Variants in HRNR observed in about 807,000 individuals in gnomAD.
HRNR encodes filaggrin family member 3.
A neutral mutation model predicts 4.8 loss-of-function variants in HRNR; 7 were observed. That is an observed-to-expected ratio of 1.47 (90% CI 0.83 to 2.75). The LOEUF is 2.75. Ranked by LOEUF, HRNR falls within the 30% of genes most tolerant of loss-of-function variation. The pLI is 0.00. For missense variants in HRNR, 2,879 were observed against 3,010.4 expected, an observed-to-expected ratio of 0.96 and a Z score of 1.02; for synonymous variants, 1,023 against 1,242.7, an observed-to-expected ratio of 0.82 and a Z score of 3.72.
rs1401391401 is a variant in HRNR at position 152,212,267 on chromosome 1, G to A, written c.*809C>T. ...ATTGAACTACAGTAGTAGGTGGAAA[G>A]CATTGTATTTCCATGGAATAACTCC... On this transcript the variant is annotated 3_prime_UTR_variant, in exon 3 of 3. Coordinates refer to ENST00000368801, the MANE Select transcript of HRNR (RefSeq NM_001009931.3). 1 of 152,134 alleles carries A rather than the reference G, an allele frequency of 6.6e-6. No individual in the cohort carries two copies. Among genetic ancestry groups the A allele is most frequent in the African/African-American group, 2.4e-5 (1 of 41,420 alleles). The allele number at this position is 152,134 out of a possible 1,614,324, so 9.4% of individuals were successfully genotyped here. A position where few individuals can be genotyped will look rare whatever the true frequency, so the allele number is the denominator to read the frequency against.
chr1:152,223,428 G>A lies in HRNR; in HGVS notation c.-25-150C>T, dbSNP rs1234638186. 5 of 565,524 alleles carry A rather than the reference G, an allele frequency of 8.8e-6. No homozygotes were observed. In the Admixed American group the frequency reaches 1.0e-4, roughly 12 times the overall value. The allele number at this position is 565,524 out of a possible 1,614,324, so 35.0% of individuals were successfully genotyped here. On this transcript the variant is annotated intron_variant, in intron 1 of 2. Transcript: ENST00000368801. ...TGTAATCAAGAACCAATTCAGAGTTGAATGACTTGTTCAAGCCATGTAGCA... is the reference window on the plus strand; with the variant it reads ...TGTAATCAAGAACCAATTCAGAGTTAAATGACTTGTTCAAGCCATGTAGCA...
rs775036253 is a variant in HRNR, at chr1:152,220,181, G to C, written c.1448C>G (p.Ser483Cys). Residue 483 changes from serine to cysteine, a missense_variant, in exon 3 of 3, where the codon TCT becomes TGT. Ser to Cys is a moderately radical substitution (Grantham distance 112). Coordinates refer to ENST00000368801, the MANE Select transcript of HRNR (RefSeq NM_001009931.3). ...GTGGCCGGAGGAGTGACCTGAGCCA[G>C]ATCCATGCTGAGTGTAACCAGAGGA... ...EHSSGYTQHG[S>C]GSGHSSGHGQ... The C allele has an allele frequency of 2.5e-6, 4 of 1,613,176 alleles. No homozygotes were observed. The African/African-American group carries it at 4.0e-5, about 16-fold the overall frequency.
chr1:152,223,835 A>G (rs1455565375), intron 1 of HRNR, among the ~76,000 whole-genome samples: 1 of 152,184 alleles, frequency 6.6e-6, no homozygotes, highest in African/African-American at 2.4e-5. Flanking sequence ...GCAGGAAGTG[A>G]CCCTCAGACC....
rs1044922621 is a variant in HRNR, at chr1:152,219,308, T to C, written c.2321A>G (p.His774Arg). The C allele has an allele frequency of 6.2e-7, 1 of 1,611,352 alleles. No individual in the cohort carries two copies. The highest frequency in any genetic ancestry group is 1.4e-5 in the African/African-American group (1 of 73,774). ...CCCATGTCGGACACGGCTAGGAGAG[T>C]GGCCAGATCCAGACCCTTGTCGGCC... ...GHGRQGSGSGHSPSRVRHGSS... is the reference protein window; with the variant it reads ...GHGRQGSGSGRSPSRVRHGSS... Residue 774 changes from histidine to arginine, a missense_variant, in exon 3 of 3, where the codon CAC (histidine) becomes CGC (arginine). This residue lies in a region of HRNR where 2,646 missense variants were observed against 1,377.7 expected (regional missense o/e 1.92). Coordinates refer to ENST00000368801, the MANE Select transcript of HRNR (RefSeq NM_001009931.3).
At position 152,221,209 on chromosome 1, in the gene HRNR, A is replaced by T; in HGVS notation, c.420T>A (p.Tyr140Ter). Reference protein sequence around the residue: ...SSWSAGENDSYSRNVRGSLKP... With the variant: ...SSWSAGENDS ...TAAGACTTCCTCTGACGTTTCTGGA[A>T]TAGGAATCATTCTCTCCTGCACTCC... Residue 140 changes from tyrosine (Y) to a stop codon, truncating the protein, a stop_gained, in exon 3 of 3, where the codon TAT becomes TAA. Transcript: ENST00000368801. LOFTEE classifies it low-confidence loss of function (END_TRUNC). The T allele has an allele frequency of 6.2e-7, 1 of 1,614,174 alleles. No homozygotes were observed. Among genetic ancestry groups the T allele is most frequent in the Non-Finnish European group, 8.5e-7 (1 of 1,180,044 alleles).
rs763095460 is a variant in HRNR, at chr1:152,219,309, G to T, written c.2320C>A (p.His774Asn). ...CCATGTCGGACACGGCTAGGAGAGTGGCCAGATCCAGACCCTTGTCGGCCG... is the reference window on the plus strand; with the variant it reads ...CCATGTCGGACACGGCTAGGAGAGTTGCCAGATCCAGACCCTTGTCGGCCG... The part of the protein sequence containing the change: ...GHGRQGSGSG[H>N]SPSRVRHGSS... The change falls in exon 3 of 3, where the codon CAC (histidine) becomes AAC (asparagine). Residue 774 changes from histidine to asparagine, a missense_variant. His to Asn is a moderately conservative substitution (Grantham distance 68). This residue lies in a region of HRNR where 2,646 missense variants were observed against 1,377.7 expected (regional missense o/e 1.92). Coordinates refer to ENST00000368801, the MANE Select transcript of HRNR (RefSeq NM_001009931.3). 1.7e-5 allele frequency: 27 copies of T among 1,613,442 alleles called. No homozygotes were observed. Among genetic ancestry groups the T allele is most frequent in the Non-Finnish European group, 2.3e-5 (27 of 1,179,950 alleles).
rs558771251 is a variant in HRNR, at chr1:152,219,608, C to A, written c.2021G>T (p.Ser674Ile). 3.1e-5 allele frequency: 50 copies of A among 1,610,512 alleles called. No individual in the cohort carries two copies. In the East Asian group the frequency reaches 1.1e-3, roughly 35 times the overall value. The change falls in exon 3 of 3, where the codon AGC becomes ATC. Residue 674 changes from serine (S) to isoleucine (I), a missense_variant. This residue lies in a region of HRNR where 2,646 missense variants were observed against 1,377.7 expected (regional missense o/e 1.92). Transcript: ENST00000368801. ...RHGSDFGHSSSYGQHGSGSGW... is the reference protein window; with the variant it reads ...RHGSDFGHSSIYGQHGSGSGW... ...GGAGCCAGACCCATGTTGGCCGTAG[C>A]TGGAAGAGTGCCCAAAATCGGACCC...
At position 152,220,888 on chromosome 1, in the gene HRNR, A is replaced by G. The variant is rs1254037620; in HGVS notation, c.741T>C (p.His247=). ...SSGQSSGYSQ[H]GSGSGHSSGY... is the part of the protein sequence containing the mutation. ...CAGAGGAGTGACCTGAGCCAGATCC[A>G]TGCTGACTGTAACCAGAGGACTGCC... Residue 247 remains histidine, a synonymous_variant, in exon 3 of 3, where the codon CAT becomes CAC. Transcript: ENST00000368801. 3.1e-6 allele frequency: 5 copies of G among 1,614,142 alleles called. No individual in the cohort carries two copies. Among genetic ancestry groups the G allele is most frequent in the Non-Finnish European group, 2.5e-6 (3 of 1,180,020 alleles).
At chr1:152,221,779 ATT>A (rs1480898317) in intron 2 of HRNR, among the ~76,000 whole-genome samples, 1 of 152,204 alleles carries the variant, frequency 6.6e-6, no homozygotes, top group African/African-American at 2.4e-5. Context: ...TGATTAGCTA[ATT>A]TATAAGTAAT....
intron 2 of HRNR, 105 bp downstream of exon 2, chr1:152,223,011 C>T: frequency 8.5e-7 from 1 of 1,180,594 alleles, no homozygotes; most frequent in Non-Finnish European, 1.2e-6. Flanking sequence ...TCTCTCTCAC[C>T]AAGTAAGGAC....
rs1179347621 is a variant in HRNR at position 152,212,212 on chromosome 1, A to G, written c.*864T>C. On this transcript the variant is annotated 3_prime_UTR_variant, in exon 3 of 3. Coordinates refer to ENST00000368801, the MANE Select transcript of HRNR (RefSeq NM_001009931.3). The stretch of plus-strand genomic sequence containing the variant: ...AGATACTCTTCCTTTTCATCTGGGC[A>G]TGGATGATATTTTTTCAGGTGGAAA... The G allele has an allele frequency of 6.6e-6, 1 of 152,198 alleles. No homozygotes were observed. The highest frequency in any genetic ancestry group is 1.5e-5 in the Non-Finnish European group (1 of 68,038). The allele number at this position is 152,198 out of a possible 1,614,324, so 9.4% of individuals were successfully genotyped here.
chr1:152,218,582 G>T lies in HRNR; in HGVS notation c.3047C>A (p.Ser1016Tyr). The T allele has an allele frequency of 1.2e-6, 2 of 1,613,852 alleles. No individual in the cohort carries two copies. The highest frequency in any genetic ancestry group is 1.7e-6 in the Non-Finnish European group (2 of 1,179,956). The change falls in exon 3 of 3, where the codon TCT (serine) becomes TAT (tyrosine). Residue 1016 changes from serine (S) to tyrosine (Y), a missense_variant. Ser to Tyr is a moderately radical substitution (Grantham distance 144). Around this residue, in one of 8 missense-constraint regions of HRNR, gnomAD observed 2,646 missense variants for 1,377.7 expected, o/e 1.92. Transcript: ENST00000368801. ...SPSPSRGRHG[S>Y]GSGQSSSYGP... is the part of the protein sequence containing the mutation. ...ATAGCTGGAAGACTGCCCGGAACCA[G>T]ACCCATGTCGGCCACGGCTAGGGCT... is the stretch of plus-strand genomic sequence containing the variant.
rs1273345564 is a variant in HRNR at position 152,221,090 on chromosome 1, C to A, written c.539G>T (p.Gly180Val). The A allele has an allele frequency of 1.9e-6, 3 of 1,613,558 alleles. No individual in the cohort carries two copies. Among genetic ancestry groups the A allele is most frequent in the African/African-American group, 1.3e-5 (1 of 75,046 alleles). ...CTGATGGGAGTCGGAGTTTTGCTCACCATAGCTGGAAGACTGACCTGAGTA... is the reference window on the plus strand; with the variant it reads ...CTGATGGGAGTCGGAGTTTTGCTCAACATAGCTGGAAGACTGACCTGAGTA... ...NSYSGQSSSYGEQNSDSHQSS... is the reference protein window; with the variant it reads ...NSYSGQSSSYVEQNSDSHQSS... Residue 180 changes from glycine to valine, a missense_variant, in exon 3 of 3, where the codon GGT (glycine) becomes GTT (valine). Physicochemically the swap from Gly to Val is moderately radical, Grantham distance 109 (BLOSUM62 -3). This residue lies in a region of HRNR where 2,646 missense variants were observed against 1,377.7 expected (regional missense o/e 1.92). Coordinates refer to ENST00000368801, the MANE Select transcript of HRNR (RefSeq NM_001009931.3).
At position 152,218,461 on chromosome 1, in the gene HRNR, G is replaced by T. The variant is rs756291034; in HGVS notation, c.3168C>A (p.Arg1056=). 11 of 1,613,820 alleles carry T rather than the reference G, an allele frequency of 6.8e-6. No homozygotes were observed. Among genetic ancestry groups the T allele is most frequent in the South Asian group, 1.1e-5 (1 of 91,050 alleles). The change falls in exon 3 of 3, where the codon CGC becomes CGA. Residue 1056 remains arginine, a synonymous_variant. Coordinates refer to ENST00000368801, the MANE Select transcript of HRNR (RefSeq NM_001009931.3). ...HSSGLGHRES[R]SGQSSGYGQH... ...GACCGTAGCCAGAGGACTGTCCTGA[G>T]CGAGACTCTCGGTGACCTAAGCCAG... is the stretch of plus-strand genomic sequence containing the variant.
Position 152,220,610 on chromosome 1 carries a change from G to C in HRNR, c.1019C>G (p.Ser340Cys), listed in dbSNP as rs1648940757. 6.2e-7 allele frequency: 1 copy of C among 1,612,352 alleles called. No individual in the cohort carries two copies. Among genetic ancestry groups the C allele is most frequent in the Non-Finnish European group, 8.5e-7 (1 of 1,178,912 alleles). The change falls in exon 3 of 3, where the codon TCT becomes TGT. Residue 340 changes from serine (S) to cysteine (C), a missense_variant. By Grantham distance (112) the Ser-to-Cys change is moderately radical. Coordinates refer to ENST00000368801, the MANE Select transcript of HRNR (RefSeq NM_001009931.3). ...AAAGCCAGAAGTCTGGCCTGAGCCA[G>C]ACTCATAATGGCCACGGCTGTAAGA... Reference protein sequence around the residue: ...SYSYSRGHYESGSGQTSGFGQ... With the variant: ...SYSYSRGHYECGSGQTSGFGQ...
Position 152,218,769 on chromosome 1 carries a change from A to C in HRNR, c.2860T>G (p.Ser954Ala). 1 of 1,613,736 alleles carries C rather than the reference A, an allele frequency of 6.2e-7. No individual in the cohort carries two copies. Among genetic ancestry groups the C allele is most frequent in the Non-Finnish European group, 8.5e-7 (1 of 1,179,986 alleles). The change falls in exon 3 of 3, where the codon TCC becomes GCC. Residue 954 changes from serine to alanine, a missense_variant. Ser to Ala is a moderately conservative substitution (Grantham distance 99, BLOSUM62 1). Transcript: ENST00000368801. ...YTQHGSGSGH[S>A]SSYEQHGSRS... ...GAGCCGTGTTGTTCGTAGCTGGAGG[A>C]GTGACCTGAGCCAGATCCATGCTGA...
Position 152,219,951 on chromosome 1 carries a change from G to A in HRNR, c.1678C>T (p.Pro560Ser), listed in dbSNP as rs370002997. 5.6e-5 allele frequency: 91 copies of A among 1,613,222 alleles called. No homozygotes were observed. Among genetic ancestry groups the A allele is most frequent in the Middle Eastern group, 1.7e-4 (1 of 6,056 alleles). The part of the protein sequence containing the change: ...SGSRQSSSYG[P>S]HGYGSGRSSS... ...GACCTCCCTGAGCCATACCCATGTG[G>A]GCCATAGCTGGAAGACTGCCTGGAA... is the stretch of plus-strand genomic sequence containing the variant. Residue 560 changes from proline (P) to serine (S), a missense_variant, in exon 3 of 3, where the codon CCA becomes TCA. This residue lies in a region of HRNR where 2,646 missense variants were observed against 1,377.7 expected (regional missense o/e 1.92). Coordinates refer to ENST00000368801, the MANE Select transcript of HRNR (RefSeq NM_001009931.3).
At position 152,219,272 on chromosome 1, in the gene HRNR, C is replaced by T. The variant is rs761620569; in HGVS notation, c.2357G>A (p.Gly786Glu). Residue 786 changes from glycine (G) to glutamate (E), a missense_variant, in exon 3 of 3, where the codon GGG (glycine) becomes GAG (glutamate). By Grantham distance (98) the Gly-to-Glu change is moderately conservative (BLOSUM62 -2). Around this residue, in one of 8 missense-constraint regions of HRNR, gnomAD observed 2,646 missense variants for 1,377.7 expected, o/e 1.92. Transcript: ENST00000368801. ...GTGTTGGCCGTGGCTGGAGGAGTGCCCTGAACTGGACCCATGTCGGACACG... is the reference window on the plus strand; with the variant it reads ...GTGTTGGCCGTGGCTGGAGGAGTGCTCTGAACTGGACCCATGTCGGACACG... ...PSRVRHGSSS[G>E]HSSSHGQHGS... The T allele has an allele frequency of 3.1e-6, 5 of 1,613,688 alleles. No homozygotes were observed. The highest frequency in any genetic ancestry group is 2.2e-5 in the East Asian group (1 of 44,848).
rs772577070 is a variant in HRNR, at chr1:152,219,115, G to C, written c.2514C>G (p.Phe838Leu). Residue 838 changes from phenylalanine (F) to leucine (L), a missense_variant, in exon 3 of 3, where the codon TTC becomes TTG. By Grantham distance (22) the Phe-to-Leu change is conservative. This residue lies in a region of HRNR where 2,646 missense variants were observed against 1,377.7 expected (regional missense o/e 1.92). Coordinates refer to ENST00000368801, the MANE Select transcript of HRNR (RefSeq NM_001009931.3). ...TAGATCCATGTCGTCCCTGGCTAGA[G>C]AAGTGACCTGAGGCAGAACCATGCT... ...YSQHGSASGH[F>L]SSQGRHGSTS... The C allele has an allele frequency of 6.2e-7, 1 of 1,613,922 alleles. No homozygotes were observed. The highest frequency in any genetic ancestry group is 8.5e-7 in the Non-Finnish European group (1 of 1,179,988).
Sources: allele counts gnomAD v4.1 joint callset (sites outside exome capture counted in the v4.1 genomes callset), GRCh38; gene constraint gnomAD v4.1.1; regional missense constraint gnomAD v4.1.1; transcripts MANE v1.5; gene names NCBI Gene and HGNC (gene_info 2026-07-23, HGNC 2026-07-21).